The following PALM variants were observed in gnomAD, a reference collection of about 807,000 sequenced individuals.
PALM encodes paralemmin-1.
In PALM, 18 loss-of-function variants were observed where a neutral mutation model predicts 30.7. The observed-to-expected ratio is 0.59, with a 90% CI of 0.41 to 0.87. The LOEUF is 0.87. Among genes scored for constraint, PALM ranks in the 40% least tolerant of loss-of-function variants. The probability of loss-of-function intolerance (pLI) is 0.00; values close to 1 mark genes in which losing one functional copy is unlikely to be tolerated. For missense variants in PALM, 529 were observed against 555.4 expected, an observed-to-expected ratio of 0.95 and a Z score of 0.48; for synonymous variants, 286 against 242.8, an observed-to-expected ratio of 1.18 and a Z score of -1.66.
intron 3 of PALM, 84 bp downstream of exon 3, chr19:727,172 T>C (rs1599149167): frequency 1.1e-6 from 1 of 905,268 alleles, no homozygotes; most frequent in South Asian, 1.5e-5. Flanking sequence ...ACCCTGACCC[T>C]GACCCCAATC....
chr19:719,041 C>G, intron 1 of PALM: 1 of 886,748 alleles, frequency 1.1e-6, no homozygotes, highest in Non-Finnish European at 1.4e-6. Flanking sequence ...CCCCCACCCC[C>G]CACAATGGCC....
In PALM at chr19:746,652, G is replaced by C; in HGVS notation, c.1002G>C (p.Ala334=). ...ITAELVVIED[A]AEPKEPAPPN... ...CGGAGCTGGTGGTCATCGAAGACGC[G>C]GCTGAGCCCAAGGAGCCTGCACCAC... is the stretch of plus-strand genomic sequence containing the variant. Residue 334 remains alanine (A), a synonymous_variant, in exon 9 of 9, where the codon GCG becomes GCC. Transcript: ENST00000338448. The surrounding 1 kb of genome is among the most constrained non-coding windows in gnomAD (Gnocchi z 7.1). The C allele has an allele frequency of 1.2e-6, 2 of 1,612,276 alleles. No homozygotes were observed. The highest frequency in any genetic ancestry group is 2.2e-5 in the East Asian group (1 of 44,826).
chr19:743,542 C>T (rs2033251915), intron 8 of PALM, among the ~76,000 whole-genome samples: 1 of 152,250 alleles, frequency 6.6e-6, no homozygotes, highest in South Asian at 2.1e-4. Context: ...ATGGACTCCC[C>T]TCCCTGGGGG....
intron 6 of PALM, chr19:734,893 G>A (rs866372628): frequency 1.1e-4 from 21 of 182,724 alleles, no homozygotes; most frequent in Middle Eastern, 5.5e-3. Flanking sequence ...CACCAGCCGG[G>A]ATTGACGCTG....
rs956782184 is a variant in PALM, at chr19:747,515, G to A, written c.*701G>A. The A allele has an allele frequency of 2.6e-5, 4 of 152,662 alleles. No individual in the cohort carries two copies. The highest frequency in any genetic ancestry group is 7.2e-5 in the African/African-American group (3 of 41,450). The allele number at this position is 152,662 out of a possible 1,614,324, so 9.5% of individuals were successfully genotyped here. ...GTAACCCCTGGGCTATCTTCTAGAC[G>A]GGGCGAACCAGGGGTCATTGACCTG... On this transcript the variant is annotated 3_prime_UTR_variant, in exon 9 of 9. Transcript: ENST00000338448.
chr19:731,305 G>A (rs1231203079), intron 5 of PALM, 60 bp downstream of exon 5: 14 of 1,446,498 alleles, frequency 9.7e-6, no homozygotes, highest in South Asian at 3.8e-5. Context: ...GCCCCAGAGC[G>A]AGGCCCCAGC....
At chr19:715,354 A>G (rs950171101) in intron 1 of PALM, among the ~76,000 whole-genome samples, 2 of 152,074 alleles carry the variant, frequency 1.3e-5, no homozygotes, top group Admixed American at 6.5e-5. Flanking sequence ...GAAACCTGTC[A>G]TTTGTTTATT....
Position 731,337 on chromosome 19 carries a change from A to C in PALM, c.420+92A>C, listed in dbSNP as rs142339783. 81 of 1,201,650 alleles carry C rather than the reference A, an allele frequency of 6.7e-5. No individual in the cohort carries two copies. In the East Asian group the frequency reaches 2.0e-3, roughly 30 times the overall value. The allele number at this position is 1,201,650 out of a possible 1,614,324, so 74.4% of individuals were successfully genotyped here. A position where few individuals can be genotyped will look rare whatever the true frequency, so the allele number is the denominator to read the frequency against. ...CAGCCCTTCCATGTCAGCGTAGCTG[A>C]GGGGACAGGCACAGACTAGAGCCAG... On this transcript the variant is annotated intron_variant, in intron 5 of 8. Coordinates refer to ENST00000338448, the MANE Select transcript of PALM (RefSeq NM_002579.3).
rs756108434 is a variant in PALM at position 746,649 on chromosome 19, C to T, written c.999C>T (p.Asp333=). 9.3e-6 allele frequency: 15 copies of T among 1,612,316 alleles called. No homozygotes were observed. The highest frequency in any genetic ancestry group is 3.3e-5 in the Admixed American group (2 of 59,928). The change falls in exon 9 of 9, where the codon GAC becomes GAT. Residue 333 remains aspartate (D), a synonymous_variant. Transcript: ENST00000338448. This position sits in a 1 kb window ranked among gnomAD's most constrained non-coding sequence, Gnocchi z 7.1. ...TITAELVVIE[D]AAEPKEPAPP... ...CGGCGGAGCTGGTGGTCATCGAAGA[C>T]GCGGCTGAGCCCAAGGAGCCTGCAC...
chr19:727,523 TG>T, intron 3 of PALM, 40 bp from the exon 4 acceptor site: 1 of 1,521,060 alleles, frequency 6.6e-7, no homozygotes, highest in Non-Finnish European at 9.0e-7. Context: ...ACCCTGGCCC[TG>T]GTCCTGCCCA....
intron 3 of PALM, 140 bp downstream of exon 3, chr19:727,228 C>A: frequency 1.8e-6 from 1 of 557,988 alleles, no homozygotes; most frequent in Non-Finnish European, 3.1e-6. Flanking sequence ...CTGACCCCGA[C>A]CCTGACCCCG....
intron 1 of PALM, among the ~76,000 whole-genome samples, chr19:714,098 G>A (rs952287803): frequency 2.0e-5 from 3 of 151,162 alleles, no homozygotes; most frequent in South Asian, 2.1e-4. Flanking sequence ...GTAGAGATGC[G>A]GTTTCACTGT....
chr19:727,803 C>T lies in PALM; in HGVS notation c.269+109C>T, dbSNP rs546909408. 1.3e-4 allele frequency: 135 copies of T among 1,047,808 alleles called. 2 individuals are homozygous for T. The South Asian group carries it at 1.8e-3, about 14-fold the overall frequency. The allele number at this position is 1,047,808 out of a possible 1,614,324, so 64.9% of individuals were successfully genotyped here. A position where few individuals can be genotyped will look rare whatever the true frequency, so the allele number is the denominator to read the frequency against. On this transcript the variant is annotated intron_variant, in intron 4 of 8. Coordinates refer to ENST00000338448, the MANE Select transcript of PALM (RefSeq NM_002579.3). ...TCGTCAGTGTGCTTTGAGGGAGATG[C>T]GTGGACCGGGCAGGCCAGGACCCAA...
intron 8 of PALM, among the ~76,000 whole-genome samples, chr19:744,519 A>T (rs2033281952): frequency 6.6e-6 from 1 of 152,212 alleles, no homozygotes; most frequent in African/African-American, 2.4e-5. Flanking sequence ...AAATAAATGA[A>T]TGAAACTTTA....
intron 1 of PALM, among the ~76,000 whole-genome samples, chr19:714,572 A>G (rs1262348286): frequency 7.1e-6 from 1 of 140,350 alleles, no homozygotes; most frequent in Non-Finnish European, 1.5e-5. Context: ...GTTAACCAGG[A>G]TGGTCTCGAT....
intron 7 of PALM, among the ~76,000 whole-genome samples, chr19:738,561 A>G (rs2033092526): frequency 2.0e-5 from 3 of 151,130 alleles, no homozygotes; most frequent in Non-Finnish European, 3.0e-5. Flanking sequence ...GCTGCCCCCA[A>G]CGGGTGGGAA....
At position 708,951 on chromosome 19, in the gene PALM, G is replaced by A. The variant is rs1459809454; in HGVS notation, c.-196G>A. 6.9e-6 allele frequency: 1 copy of A among 144,888 alleles called. No individual in the cohort carries two copies. Among genetic ancestry groups the A allele is most frequent in the Admixed American group, 6.9e-5 (1 of 14,538 alleles). The allele number at this position is 144,888 out of a possible 1,614,324, so 9.0% of individuals were successfully genotyped here. The stretch of plus-strand genomic sequence containing the variant: ...CCACCCCCCGCGCCCGCCGCCGCCC[G>A]GACAATAAACAGCAGCTTTGCGCGG... On this transcript the variant is annotated 5_prime_UTR_variant, in exon 1 of 9. Coordinates refer to ENST00000338448, the MANE Select transcript of PALM (RefSeq NM_002579.3).
At chr19:717,133 T>C (rs1426016976) in intron 1 of PALM, among the ~76,000 whole-genome samples, 1 of 152,198 alleles carries the variant, frequency 6.6e-6, no homozygotes, top group Admixed American at 6.6e-5. Flanking sequence ...TTTCACCATA[T>C]TGACCAGGAT....
At chr19:713,462 G>A (rs1466411614) in intron 1 of PALM, among the ~76,000 whole-genome samples, 2 of 152,190 alleles carry the variant, frequency 1.3e-5, no homozygotes, top group Admixed American at 1.3e-4. Context: ...GGAAGGGCAG[G>A]TGCTTTATGG....
Sources: gnomAD v4.1 joint callset for allele counts (sites outside exome capture counted in the v4.1 genomes callset) on GRCh38, gnomAD v4.1.1 for gene constraint, Gnocchi (gnomAD v3.1) non-coding constraint, MANE v1.5 for transcripts, NCBI Gene and HGNC (gene_info 2026-07-23, HGNC 2026-07-21) for gene names.